CEPT1: variants seen among roughly 807,000 people sequenced by gnomAD.
CEPT1 encodes choline/ethanolaminephosphotransferase 1.
CEPT1 carries 7 observed loss-of-function variants against 42.6 expected under a neutral mutation model. That is an observed-to-expected ratio of 0.16 (90% confidence interval 0.09 to 0.31). The LOEUF is 0.31. CEPT1 is among the 10% of genes least tolerant of loss of function. The probability of loss-of-function intolerance (pLI) is 1.00; values close to 1 mark genes in which losing one functional copy is unlikely to be tolerated. For missense variants in CEPT1, 306 were observed against 502.1 expected (o/e 0.61, Z 3.73); for synonymous variants, 171 against 171.9 (o/e 0.99, Z 0.04).
intron 1 of CEPT1, among the ~76,000 whole-genome samples, chr1:111,141,662 C>T (rs535519421): frequency 5.3e-5 from 8 of 152,228 alleles, no homozygotes; most frequent in Admixed American, 4.6e-4. Context: ...CAATATTTCA[C>T]TTCAGCAAAA....
At chr1:111,150,076 C>T (rs1351249565) in intron 2 of CEPT1, among the ~76,000 whole-genome samples, 1 of 152,172 alleles carries the variant, frequency 6.6e-6, no homozygotes, top group Non-Finnish European at 1.5e-5. Flanking sequence ...GACTGAGCTG[C>T]TGCTTGTTGT....
At chr1:111,158,140 G>A (rs943288176) in intron 2 of CEPT1, among the ~76,000 whole-genome samples, 107 of 152,080 alleles carry the variant, frequency 7.0e-4, no homozygotes, top group Middle Eastern at 3.4e-3. Flanking sequence ...TGAAGAGTTC[G>A]ACACCAGCCT....
At chr1:111,161,103 A>C (rs371036014) in intron 3 of CEPT1, 52 bp from the exon 4 acceptor site, 1 of 1,592,704 alleles carries the variant, frequency 6.3e-7, no homozygotes, top group Non-Finnish European at 8.6e-7. Context: ...TTTCCAGCTC[A>C]GTTGTTTGCT....
At chr1:111,141,695 A>T (rs764752330) in intron 1 of CEPT1, among the ~76,000 whole-genome samples, 1 of 152,218 alleles carries the variant, frequency 6.6e-6, no homozygotes, top group Non-Finnish European at 1.5e-5. Context: ...GTTGTGTTAC[A>T]CAGCCCTGTT....
intron 5 of CEPT1, 128 bp downstream of exon 5, chr1:111,175,091 C>A: frequency 1.5e-6 from 1 of 655,526 alleles, no homozygotes; most frequent in South Asian, 1.8e-5. Flanking sequence ...CAGTAGAACA[C>A]AACTTCTCTT....
intron 4 of CEPT1, among the ~76,000 whole-genome samples, chr1:111,165,212 C>A (rs1301767763): frequency 6.6e-6 from 1 of 151,546 alleles, no homozygotes; most frequent in Non-Finnish European, 1.5e-5. Context: ...CCATGCCCGG[C>A]TAATTTTTTG....
intron 2 of CEPT1, among the ~76,000 whole-genome samples, chr1:111,153,879 A>G (rs1403551180): frequency 1.3e-5 from 2 of 152,112 alleles, no homozygotes; most frequent in Non-Finnish European, 2.9e-5. Flanking sequence ...TTTTGAAGTC[A>G]GGTAGTGTGA....
chr1:111,143,553 A>G lies in CEPT1; in HGVS notation c.-74+3246A>G, dbSNP rs141680668. 1.7e-4 allele frequency: 26 copies of G among 151,966 alleles called. No homozygotes were observed. The East Asian group carries it at 1.9e-3, about 11-fold the overall frequency. 9.4% of individuals were successfully genotyped at this position (151,966 alleles called of 1,614,324 possible). A position where few individuals can be genotyped will look rare whatever the true frequency, so the allele number is the denominator to read the frequency against. On this transcript the variant is annotated intron_variant, in intron 1 of 8. Coordinates refer to ENST00000357172, the MANE Select transcript of CEPT1 (RefSeq NM_006090.5). Reference sequence around the variant, plus strand: ...TGAATGCATTGGAAACTGGTAATCTATTTTCTTATAACTGTTAAGACTGGT... The same window carrying G: ...TGAATGCATTGGAAACTGGTAATCTGTTTTCTTATAACTGTTAAGACTGGT...
intron 4 of CEPT1, among the ~76,000 whole-genome samples, chr1:111,166,251 A>G (rs552583281): frequency 2.0e-5 from 3 of 152,354 alleles, no homozygotes; most frequent in Admixed American, 2.0e-4. Context: ...AATCATGGAC[A>G]TCTATCTATC....
At chr1:111,154,197 T>TAAAA (rs1655436962) in intron 2 of CEPT1, among the ~76,000 whole-genome samples, 14 of 25,906 alleles carry the variant, frequency 5.4e-4, no homozygotes, top group Non-Finnish European at 9.6e-4. Flanking sequence ...GTATTTTATT[T>TAAAA]TATTTTATTT....
intron 2 of CEPT1, among the ~76,000 whole-genome samples, chr1:111,153,841 G>C (rs1159669327): frequency 6.6e-6 from 1 of 152,120 alleles, no homozygotes; most frequent in Non-Finnish European, 1.5e-5. Flanking sequence ...ATATCATGCT[G>C]TTTTGGTTAC....
chr1:111,142,685 TTATC>T (rs1654723981), intron 1 of CEPT1, among the ~76,000 whole-genome samples: 1 of 152,190 alleles, frequency 6.6e-6, no homozygotes, highest in Admixed American at 6.5e-5. Flanking sequence ...TAAGTATTGA[TTATC>T]TACTTAGTGC....
chr1:111,183,251 T>C (rs997047740), intron 7 of CEPT1, among the ~76,000 whole-genome samples: 4 of 152,214 alleles, frequency 2.6e-5, no homozygotes, highest in African/African-American at 9.6e-5. Flanking sequence ...TTAAGGCTTC[T>C]TGTGAAAAGC....
chr1:111,149,660 A>G (rs1354181037), intron 2 of CEPT1, among the ~76,000 whole-genome samples: 3 of 152,208 alleles, frequency 2.0e-5, no homozygotes, highest in Non-Finnish European at 4.4e-5. Context: ...TTTATCACAT[A>G]TCCTTTAAAT....
intron 4 of CEPT1, among the ~76,000 whole-genome samples, chr1:111,165,135 C>T (rs1203783475): frequency 1.3e-5 from 2 of 148,444 alleles, no homozygotes; most frequent in African/African-American, 2.5e-5. Context: ...CTGCAACCTC[C>T]GCCTCCTGGG....
chr1:111,148,301 CT>C (rs1313508353), intron 2 of CEPT1, among the ~76,000 whole-genome samples: 1 of 147,434 alleles, frequency 6.8e-6, no homozygotes, highest in Non-Finnish European at 1.5e-5. Flanking sequence ...TAAAATGTTC[CT>C]TTTAAAGTCA....
intron 3 of CEPT1, 115 bp from the exon 4 acceptor site, chr1:111,161,040 A>G: frequency 9.7e-7 from 1 of 1,034,498 alleles, no homozygotes; most frequent in Non-Finnish European, 1.5e-6. Context: ...ACAATAGATA[A>G]CTGAGAGAAG....
At chr1:111,148,230 C>G (rs1361047198) in intron 2 of CEPT1, among the ~76,000 whole-genome samples, 177 bp downstream of exon 2, 1 of 152,138 alleles carries the variant, frequency 6.6e-6, no homozygotes, top group African/African-American at 2.4e-5. Context: ...TATTGGAAAC[C>G]AGAAGCAAAC....
chr1:111,147,023 T>C (rs1655006700), intron 1 of CEPT1, among the ~76,000 whole-genome samples: 1 of 152,246 alleles, frequency 6.6e-6, no homozygotes, highest in Non-Finnish European at 1.5e-5. Context: ...GTTTGAATGC[T>C]ACTTACCAGC....
Sources: allele counts gnomAD v4.1 joint callset (sites outside exome capture counted in the v4.1 genomes callset), GRCh38; gene constraint gnomAD v4.1.1; transcripts MANE v1.5; gene names NCBI Gene and HGNC (gene_info 2026-07-23, HGNC 2026-07-21).